GALNT13: variants seen among roughly 807,000 people sequenced by gnomAD.
GALNT13 encodes the protein polypeptide N-acetylgalactosaminyltransferase 13.
In GALNT13, 28 loss-of-function variants were observed where a neutral mutation model predicts 64.2. The observed-to-expected ratio is 0.44, with a 90% confidence interval of 0.32 to 0.60. The LOEUF is 0.60. GALNT13 is among the 20% of genes least tolerant of loss of function. The pLI is 0.05. For missense variants in GALNT13, 577 were observed against 669.8 expected (o/e 0.86, Z 1.53); for synonymous variants, 214 against 224.6 (o/e 0.95, Z 0.42).
At chr2:154,311,393 C>T (rs999484982) in intron 9 of GALNT13, among the ~76,000 whole-genome samples, 33 of 151,966 alleles carry the variant, frequency 2.2e-4, no homozygotes, top group African/African-American at 7.7e-4. Flanking sequence ...AGGTAGGATC[C>T]GTGATGCCCC....
At chr2:154,009,793 G>A (rs1696504887) in intron 3 of GALNT13, among the ~76,000 whole-genome samples, 1 of 152,110 alleles carries the variant, frequency 6.6e-6, no homozygotes, top group Non-Finnish European at 1.5e-5. Context: ...CTATCTATGA[G>A]CATGGAATGC....
At chr2:153,568,051 C>T in the GALNT13 span, among the ~76,000 whole-genome samples, 3 of 152,120 alleles carry the variant, frequency 2.0e-5, no homozygotes, top group Non-Finnish European at 4.4e-5. Flanking sequence ...ATTATTTCTG[C>T]CATTTCCATT....
chr2:153,550,608 T>C, the GALNT13 span, among the ~76,000 whole-genome samples: 1 of 152,170 alleles, frequency 6.6e-6, no homozygotes, highest in Admixed American at 6.5e-5. Flanking sequence ...GGTATCACTG[T>C]TCATCACTAT....
intron 3 of GALNT13, among the ~76,000 whole-genome samples, chr2:154,073,263 G>A (rs146820512): frequency 3.7e-4 from 57 of 152,050 alleles, no homozygotes; most frequent in African/African-American, 1.3e-3. Context: ...CTAGTTTTTC[G>A]TAGAACATCA....
intron 9 of GALNT13, among the ~76,000 whole-genome samples, chr2:154,370,864 T>A (rs1574180044): frequency 6.6e-6 from 1 of 152,082 alleles, no homozygotes; most frequent in East Asian, 1.9e-4. Context: ...GAAGAAAGTT[T>A]CCATTAAAAC....
intron 9 of GALNT13, among the ~76,000 whole-genome samples, chr2:154,338,791 A>C (rs1432719329): frequency 6.6e-6 from 1 of 151,948 alleles, no homozygotes; most frequent in Non-Finnish European, 1.5e-5. Flanking sequence ...CCCTATAGAG[A>C]AGGGTAGTTA....
At chr2:154,267,888 A>G (rs1025190014) in intron 8 of GALNT13, among the ~76,000 whole-genome samples, 24 of 152,210 alleles carry the variant, frequency 1.6e-4, no homozygotes, top group African/African-American at 5.5e-4. Context: ...CAATTGAGTA[A>G]ATCCTCAGCA....
the GALNT13 span, among the ~76,000 whole-genome samples, chr2:153,763,086 A>G: frequency 6.6e-6 from 1 of 152,002 alleles, no homozygotes; most frequent in South Asian, 2.1e-4. Context: ...TATAATTTGT[A>G]TTCCTTGAAA....
chr2:153,392,102 C>T, the GALNT13 span, among the ~76,000 whole-genome samples: 2 of 148,222 alleles, frequency 1.3e-5, no homozygotes, highest in Non-Finnish European at 3.0e-5. Context: ...AAATATGTAA[C>T]TTATGTATGT....
chr2:154,441,356 A>T (rs1174569992), intron 12 of GALNT13, among the ~76,000 whole-genome samples: 1 of 152,150 alleles, frequency 6.6e-6, no homozygotes, highest in Non-Finnish European at 1.5e-5. Flanking sequence ...TGGAAAGTAA[A>T]TGCGCACTGC....
chr2:153,595,097 C>T, the GALNT13 span, among the ~76,000 whole-genome samples: 1 of 151,660 alleles, frequency 6.6e-6, no homozygotes, highest in Non-Finnish European at 1.5e-5. Flanking sequence ...TATATTGTGG[C>T]ATGGAGGGAG....
At chr2:153,556,340 C>T in the GALNT13 span, among the ~76,000 whole-genome samples, 1 of 152,122 alleles carries the variant, frequency 6.6e-6, no homozygotes, top group African/African-American at 2.4e-5. Context: ...AGTCTATAAA[C>T]TTTACATCCT....
the GALNT13 span, among the ~76,000 whole-genome samples, chr2:153,235,022 A>G: frequency 1.3e-5 from 2 of 152,174 alleles, no homozygotes; most frequent in Admixed American, 6.6e-5. Flanking sequence ...ATCTGTTATC[A>G]GTGATCTCTG....
the GALNT13 span, among the ~76,000 whole-genome samples, chr2:153,725,755 T>G: frequency 6.6e-6 from 1 of 152,118 alleles, no homozygotes; most frequent in Non-Finnish European, 1.5e-5. Flanking sequence ...ATTTGAAACT[T>G]TAATTGGCAT....
the GALNT13 span, among the ~76,000 whole-genome samples, chr2:153,287,784 T>C: frequency 6.6e-6 from 1 of 152,296 alleles, no homozygotes; most frequent in Admixed American, 6.5e-5. Context: ...TCTGTGTTTC[T>C]GTAAGCACAG....
chr2:153,359,630 C>CAAAAAAAAAAAAAAAAAAAAAAAAA, the GALNT13 span, among the ~76,000 whole-genome samples: 22 of 38,240 alleles, frequency 5.8e-4, 1 homozygote, highest in Non-Finnish European at 7.8e-4. Context: ...CAGCTTTCAG[C>CAAAAAAAAAAAAAAAAAAAAAAAAA]AAAAAAAAAA....
chr2:153,537,768 T>G, the GALNT13 span, among the ~76,000 whole-genome samples: 1 of 152,204 alleles, frequency 6.6e-6, no homozygotes, highest in African/African-American at 2.4e-5. Context: ...CACTCAGAAC[T>G]TCTCCTTCCT....
the GALNT13 span, among the ~76,000 whole-genome samples, chr2:153,125,609 A>G: frequency 6.6e-6 from 1 of 152,224 alleles, no homozygotes; most frequent in African/African-American, 2.4e-5. Context: ...TGGGAAGAAA[A>G]TTGAATCAAT....
chr2:154,321,852 T>C (rs1371259051), intron 9 of GALNT13, among the ~76,000 whole-genome samples: 1 of 152,166 alleles, frequency 6.6e-6, no homozygotes, highest in Non-Finnish European at 1.5e-5. Context: ...TACATTTTTG[T>C]GCATAATAAA....
Sources: gnomAD v4.1 joint callset for allele counts (sites outside exome capture counted in the v4.1 genomes callset) on GRCh38, gnomAD v4.1.1 for gene constraint, MANE v1.5 for transcripts, NCBI Gene and HGNC (gene_info 2026-07-23, HGNC 2026-07-21) for gene names.